Variants in NOTCH2 observed in about 807,000 individuals in gnomAD.
The protein encoded by NOTCH2 is neurogenic locus notch homolog protein 2.
A neutral mutation model predicts 235.8 loss-of-function variants in NOTCH2; 29 were observed. That is an observed-to-expected ratio of 0.12 (90% confidence interval 0.09 to 0.17). NOTCH2 has a LOEUF of 0.17. Ranked by LOEUF, NOTCH2 falls within the 10% of genes least tolerant of loss-of-function variation. NOTCH2 has a pLI of 1.00. For synonymous variants in NOTCH2, 1,086 were observed against 1,141.5 expected, an observed-to-expected ratio of 0.95 and a Z score of 0.98; for missense variants, 2,285 against 3,150.2, an observed-to-expected ratio of 0.73 and a Z score of 6.57.
rs587684919 is a variant in NOTCH2, at chr1:119,925,693, C to T, written c.4123G>A (p.Glu1375Lys). ...CAGGGGCTACTGGCACAGCCTGACT[C>T]GCAGTCCCGGGGACTGGGGCAGAAG... ...RCFCPSPRDCESGCASSPCQH... is the reference protein window; with the variant it reads ...RCFCPSPRDCKSGCASSPCQH... Residue 1375 changes from glutamate to lysine, a missense_variant, in exon 25 of 34, where the codon GAG becomes AAG. Coordinates refer to ENST00000256646, the MANE Select transcript of NOTCH2 (RefSeq NM_024408.4). 6.2e-6 allele frequency: 10 copies of T among 1,612,280 alleles called. No individual in the cohort carries two copies. The highest frequency in any genetic ancestry group is 3.3e-5 in the Admixed American group (2 of 59,980).
chr1:120,009,386 T>A (rs1653097967), intron 2 of NOTCH2, among the ~76,000 whole-genome samples: 1 of 151,488 alleles, frequency 6.6e-6, no homozygotes, highest in South Asian at 2.1e-4. Context: ...GATTTCTATT[T>A]AAAATGTTTT....
chr1:120,011,880 G>C (rs1211584333), intron 2 of NOTCH2, among the ~76,000 whole-genome samples: 7 of 150,738 alleles, frequency 4.6e-5, no homozygotes, highest in Non-Finnish European at 1.0e-4. Context: ...GCCAGGCGTG[G>C]TGGCGGGCGC....
At chr1:119,996,957 G>A (rs2101210271) in intron 4 of NOTCH2, 40 bp downstream of exon 4, 1 of 1,592,706 alleles carries the variant, frequency 6.3e-7, no homozygotes, top group Non-Finnish European at 8.6e-7. Context: ...CTGTGCTAGG[G>A]GTTTGTCCCC....
intron 1 of NOTCH2, among the ~76,000 whole-genome samples, chr1:120,047,946 T>C (rs1399915947): frequency 2.7e-5 from 4 of 147,048 alleles, no homozygotes; most frequent in African/African-American, 7.5e-5. Flanking sequence ...TGCATTTTTT[T>C]CCGTAGAGAC....
intron 19 of NOTCH2, among the ~76,000 whole-genome samples, chr1:119,938,686 CTTT>C (rs1195488133): frequency 6.9e-6 from 1 of 145,904 alleles, no homozygotes; most frequent in Non-Finnish European, 1.5e-5. Context: ...TATATTCATT[CTTT>C]TTTTTTTTTG....
chr1:119,997,326 T>G lies in NOTCH2; in HGVS notation c.422A>C (p.Glu141Ala), dbSNP rs1284673575. 5.0e-6 allele frequency: 8 copies of G among 1,613,826 alleles called. No individual in the cohort carries two copies. Among genetic ancestry groups the G allele is most frequent in the Non-Finnish European group, 6.8e-6 (8 of 1,179,846 alleles). ...CAGGCAGGCATCCGTCCATTGGCAC[T>G]CCTTACCTAAAGGAAGGATAACAAA... ...CTCQVGFTGK[E>A]CQWTDACLSH... Residue 141 changes from glutamate to alanine, a missense_variant, in exon 4 of 34, where the codon GAG (glutamate) becomes GCG (alanine). By Grantham distance (107) the Glu-to-Ala change is moderately radical. Coordinates refer to ENST00000256646, the MANE Select transcript of NOTCH2 (RefSeq NM_024408.4).
chr1:120,041,055 AAAAAAAAAAAAAAAAAATAT>A (rs1654535855), intron 1 of NOTCH2, among the ~76,000 whole-genome samples: 1 of 112,728 alleles, frequency 8.9e-6, no homozygotes, highest in South Asian at 2.8e-4. Context: ...AAAAAAAAAA[AAAAAAAAAAAAAAAAAATAT>A]ATATATATAT....
At chr1:119,986,613 C>G (rs1006689146) in intron 5 of NOTCH2, among the ~76,000 whole-genome samples, 1 of 152,112 alleles carries the variant, frequency 6.6e-6, no homozygotes, top group African/African-American at 2.4e-5. Flanking sequence ...GAAATTTTTC[C>G]TCTTTAATAT....
At chr1:119,920,592 G>A (rs1306696700) in intron 29 of NOTCH2, among the ~76,000 whole-genome samples, 195 bp from the exon 30 acceptor site, 1 of 152,040 alleles carries the variant, frequency 6.6e-6, no homozygotes, top group South Asian at 2.1e-4. Context: ...TACCTTTCCT[G>A]CATCATCTAG....
In NOTCH2 at chr1:119,948,562, C is replaced by T. The variant is rs2101114708; in HGVS notation, c.2604G>A (p.Gln868=). 6.2e-7 allele frequency: 1 copy of T among 1,614,166 alleles called. No homozygotes were observed. ...ACTCGTCAATGTCAATGGTACACCG[C>T]TGACCTAGGAACACAGGGCCAATAA... is the stretch of plus-strand genomic sequence containing the variant. ...TCLCAPGWQG[Q]RCTIDIDECI... Residue 868 remains glutamine (Q), a synonymous_variant, in exon 17 of 34, where the codon CAG becomes CAA. Transcript: ENST00000256646.
Position 119,921,111 on chromosome 1 carries a change from A to G in NOTCH2, c.5310+602T>C, listed in dbSNP as rs587695596. 2.6e-5 allele frequency among the ~76,000 whole-genome samples: 4 copies of G among 152,364 alleles called. No homozygotes were observed. The East Asian group carries it at 5.8e-4, about 22-fold the overall frequency. ...GCGGCAGAGTTTTGGATTTGAATCC[A>G]GTTCTGATATTAACTAAAGCAATCT... On this transcript the variant is annotated intron_variant, in intron 29 of 33. Coordinates refer to ENST00000256646, the MANE Select transcript of NOTCH2 (RefSeq NM_024408.4).
intron 4 of NOTCH2, 143 bp downstream of exon 4, chr1:119,996,854 C>T (rs1652475589): frequency 4.2e-6 from 4 of 950,800 alleles, no homozygotes; most frequent in Admixed American, 2.0e-5. Flanking sequence ...CATAAAACTC[C>T]TCCCTCACTA....
At position 119,929,047 on chromosome 1, in the gene NOTCH2, C is replaced by A. The variant is rs1553194803; in HGVS notation, c.3821G>T (p.Ser1274Ile). The A allele has an allele frequency of 1.2e-6, 2 of 1,614,178 alleles. No individual in the cohort carries two copies. The highest frequency in any genetic ancestry group is 1.1e-5 in the South Asian group (1 of 91,088). The change falls in exon 23 of 34, where the codon AGC becomes ATC. Residue 1274 changes from serine to isoleucine, a missense_variant. Transcript: ENST00000256646. ...DINECLSNPC[S>I]SEGSLDCIQL... ...TATACAGTCCAGGCTGCCCTCAGAG[C>A]TGCAGGGGTTGGAGAGGCACTCGTT...
At chr1:120,001,213 C>T (rs1652737645) in intron 3 of NOTCH2, among the ~76,000 whole-genome samples, 1 of 152,132 alleles carries the variant, frequency 6.6e-6, no homozygotes. Context: ...TCTTTATCAG[C>T]AGCGTGAAAA....
intron 2 of NOTCH2, among the ~76,000 whole-genome samples, chr1:120,023,167 G>C (rs1414236012): frequency 2.0e-5 from 3 of 152,088 alleles, no homozygotes; most frequent in African/African-American, 7.2e-5. Context: ...GCTGGGTGTG[G>C]TGGCTCACGC....
chr1:119,948,997 A>G lies in NOTCH2; in HGVS notation c.2599+10T>C. 2 of 1,614,154 alleles carry G rather than the reference A, an allele frequency of 1.2e-6. No homozygotes were observed. The highest frequency in any genetic ancestry group is 1.7e-6 in the Non-Finnish European group (2 of 1,180,014). On this transcript the variant is annotated intron_variant, in intron 16 of 33. Coordinates refer to ENST00000256646, the MANE Select transcript of NOTCH2 (RefSeq NM_024408.4). ...GCATGTTCTTGGCTTCTCCACACCC[A>G]TGTTCTTACCTTGCCAGCCAGGAGC... is the stretch of plus-strand genomic sequence containing the variant.
intron 11 of NOTCH2, among the ~76,000 whole-genome samples, chr1:119,960,104 G>A (rs1650876791): frequency 6.6e-6 from 1 of 152,160 alleles, no homozygotes; most frequent in South Asian, 2.1e-4. Context: ...TTAATTGAAA[G>A]AGCAACTGAC....
intron 5 of NOTCH2, among the ~76,000 whole-genome samples, chr1:119,973,610 G>A (rs1651453366): frequency 6.6e-6 from 1 of 152,086 alleles, no homozygotes; most frequent in South Asian, 2.1e-4. Flanking sequence ...AGATGAGGTC[G>A]CTGATCCCAG....
At chr1:119,952,070 T>C (rs1553197876) in intron 14 of NOTCH2, among the ~76,000 whole-genome samples, 1 of 152,184 alleles carries the variant, frequency 6.6e-6, no homozygotes. Flanking sequence ...AATATTTGAG[T>C]GAGGAAATCA....
Sources: gnomAD v4.1 joint callset for allele counts (sites outside exome capture counted in the v4.1 genomes callset) on GRCh38, gnomAD v4.1.1 for gene constraint, MANE v1.5 for transcripts, NCBI Gene and HGNC (gene_info 2026-07-23, HGNC 2026-07-21) for gene names.